PMM2: variants seen among roughly 807,000 people sequenced by gnomAD.
PMM2 encodes mannose-6-phosphate isomerase.
Under a neutral mutation model 33.2 loss-of-function variants are expected in PMM2, and 35 were observed. That is an observed-to-expected ratio of 1.06 (90% CI 0.81 to 1.40). The LOEUF (loss-of-function observed/expected upper bound fraction) is 1.40. Ranked by LOEUF, PMM2 falls within the 40% of genes most tolerant of loss-of-function variation. The pLI is 0.00. For missense variants in PMM2, 386 were observed against 306.0 expected, an observed-to-expected ratio of 1.26 and a Z score of -1.95; for synonymous variants, 153 against 114.7, an observed-to-expected ratio of 1.33 and a Z score of -2.13.
At position 8,797,922 on chromosome 16, in the gene PMM2, G is replaced by A. The variant is rs1473030550; in HGVS notation, c.40G>A (p.Asp14Asn). 4 of 1,610,346 alleles carry A rather than the reference G, an allele frequency of 2.5e-6. No individual in the cohort carries two copies. The highest frequency in any genetic ancestry group is 2.5e-6 in the Non-Finnish European group (3 of 1,178,786). ...CCCAGCGCTCTGCCTCTTCGACGTG[G>A]ATGGGACCCTCACCGCCCCGCGGCA... is the stretch of plus-strand genomic sequence containing the variant. ...PGPALCLFDV[D>N]GTLTAPRQKI... The change falls in exon 1 of 8, where the codon GAT (aspartate) becomes AAT (asparagine). Residue 14 changes from aspartate to asparagine, a missense_variant. Transcript: ENST00000268261.
intron 2 of PMM2, 64 bp downstream of exon 2, chr16:8,801,974 A>C: frequency 8.7e-7 from 1 of 1,154,742 alleles, no homozygotes; most frequent in Non-Finnish European, 1.3e-6. Context: ...TATTGTTGCC[A>C]AGTATCATAG....
At position 8,848,179 on chromosome 16, in the gene PMM2, C is replaced by T. The variant is rs189616159; in HGVS notation, c.*354C>T. 3.2e-5 allele frequency: 9 copies of T among 283,260 alleles called. No homozygotes were observed. The highest frequency in any genetic ancestry group is 6.3e-5 in the Non-Finnish European group (9 of 143,612). 17.5% of individuals were successfully genotyped at this position (283,260 alleles called of 1,614,324 possible). On this transcript the variant is annotated 3_prime_UTR_variant, in exon 8 of 8. Transcript: ENST00000268261. The stretch of plus-strand genomic sequence containing the variant: ...GAAAGAAAAACTGTGCCTGGACCCT[C>T]CCTCTTGGTGGGTCTGTGGAAACAT...
At position 8,815,012 on chromosome 16, in the gene PMM2, G is replaced by A. The variant is rs60828617; in HGVS notation, c.639+1906G>A. Reference sequence around the variant, plus strand: ...TCCCTCCTCCACCGCCCCGTCCCTGGCAACCACCGTTCTTTTCTCTGCTTA... The same window carrying A: ...TCCCTCCTCCACCGCCCCGTCCCTGACAACCACCGTTCTTTTCTCTGCTTA... On this transcript the variant is annotated intron_variant, in intron 7 of 7. Transcript: ENST00000268261. 7.3e-3 allele frequency among the ~76,000 whole-genome samples: 1,105 copies of A among 152,034 alleles called. 13 individuals carry two copies. The highest frequency in any genetic ancestry group is 0.025 in the African/African-American group (1,038 of 41,460).
At chr16:8,843,449 C>G (rs866980497) in intron 7 of PMM2, among the ~76,000 whole-genome samples, 3 of 152,260 alleles carry the variant, frequency 2.0e-5, no homozygotes, top group Middle Eastern at 6.8e-3. Context: ...AGTCCGATTT[C>G]CAGTGGGGTC....
chr16:8,800,665 C>CTTTT (rs35148703), intron 1 of PMM2, among the ~76,000 whole-genome samples: 1,322 of 122,962 alleles, frequency 0.011, no homozygotes, highest in Non-Finnish European at 0.014. Flanking sequence ...TAAGCTTCTC[C>CTTTT]TTTTTTTTTT....
chr16:8,832,671 C>T, intron 7 of PMM2: 1 of 985,446 alleles, frequency 1.0e-6, no homozygotes, highest in Non-Finnish European at 1.2e-6. Context: ...CGTCCTCACC[C>T]CGCACCCGTT....
intron 7 of PMM2, among the ~76,000 whole-genome samples, chr16:8,836,223 C>A (rs943701127): frequency 1.3e-5 from 2 of 151,748 alleles, no homozygotes; most frequent in African/African-American, 4.8e-5. Flanking sequence ...GAGAGTTACC[C>A]GATGCTCGGC....
chr16:8,810,935 C>T, intron 4 of PMM2, 144 bp from the exon 5 acceptor site: 2 of 685,706 alleles, frequency 2.9e-6, no homozygotes, highest in Non-Finnish European at 5.4e-6. Flanking sequence ...TTCATGGCTA[C>T]CATATTACAT....
chr16:8,834,514 G>T lies in PMM2; in HGVS notation c.640-13210G>T, dbSNP rs1299317439. On this transcript the variant is annotated intron_variant, in intron 7 of 7. Coordinates refer to ENST00000268261, the MANE Select transcript of PMM2 (RefSeq NM_000303.3). Reference sequence around the variant, plus strand: ...AGAGTAAGAGGTATTTTAGTTACCTGACTCGGGGCATGTTGAGTGAAGCTA... The same window carrying T: ...AGAGTAAGAGGTATTTTAGTTACCTTACTCGGGGCATGTTGAGTGAAGCTA... Among the ~76,000 whole-genome samples the T allele has an allele frequency of 9.2e-5, 14 of 152,070 alleles. No homozygotes were observed. In the East Asian group the frequency reaches 2.4e-3, roughly 26 times the overall value.
At position 8,797,856 on chromosome 16, in the gene PMM2, T is replaced by C. The variant is rs1567327778; in HGVS notation, c.-27T>C. ...CCGAGTTCCTCGTGCCAACGTGTCT[T>C]GTAAGGTGCGGCTAGAAACTGGGGA... On this transcript the variant is annotated 5_prime_UTR_variant, in exon 1 of 8. Coordinates refer to ENST00000268261, the MANE Select transcript of PMM2 (RefSeq NM_000303.3). 5 of 1,608,714 alleles carry C rather than the reference T, an allele frequency of 3.1e-6. No homozygotes were observed. The South Asian group carries it at 4.4e-5, about 14-fold the overall frequency.
At chr16:8,804,022 G>GTTTTTTTTTTTTTTTTTT (rs770345977) in intron 2 of PMM2, among the ~76,000 whole-genome samples, 1 of 25,992 alleles carries the variant, frequency 3.8e-5, no homozygotes, top group African/African-American at 1.3e-4. Flanking sequence ...TGTTTTTTGG[G>GTTTTTTTTTTTTTTTTTT]TTTTTTTTGT....
intron 7 of PMM2, among the ~76,000 whole-genome samples, chr16:8,815,203 C>T (rs1278424189): frequency 1.3e-5 from 2 of 150,092 alleles, no homozygotes; most frequent in Non-Finnish European, 3.0e-5. Flanking sequence ...GGTATGAATA[C>T]ACTATATTTT....
intron 7 of PMM2, among the ~76,000 whole-genome samples, chr16:8,834,711 A>G (rs1427394031): frequency 1.6e-4 from 24 of 152,056 alleles, no homozygotes; most frequent in African/African-American, 4.8e-4. Context: ...GAGGCGGGCT[A>G]GTGGCTTGTA....
Position 8,849,050 on chromosome 16 carries a change from G to A in PMM2, c.*1225G>A, listed in dbSNP as rs1241834575. 6.6e-6 allele frequency: 1 copy of A among 152,248 alleles called. No individual in the cohort carries two copies. Among genetic ancestry groups the A allele is most frequent in the Non-Finnish European group, 1.5e-5 (1 of 68,102 alleles). 9.4% of individuals were successfully genotyped at this position (152,248 alleles called of 1,614,324 possible). On this transcript the variant is annotated 3_prime_UTR_variant, in exon 8 of 8. Coordinates refer to ENST00000268261, the MANE Select transcript of PMM2 (RefSeq NM_000303.3). ...GTGTGGCCTCCACTGGGCACTTGCCGACCTGAGTCTGGGGCCAGGGGAGCC... is the reference window on the plus strand; with the variant it reads ...GTGTGGCCTCCACTGGGCACTTGCCAACCTGAGTCTGGGGCCAGGGGAGCC...
At chr16:8,841,408 T>G (rs201600064) in intron 7 of PMM2, among the ~76,000 whole-genome samples, 3 of 142,956 alleles carry the variant, frequency 2.1e-5, no homozygotes, top group Non-Finnish European at 3.1e-5. Context: ...ATTTTAGTTA[T>G]CTGACTCGGG....
At chr16:8,832,486 G>C (rs1019261739) in intron 7 of PMM2, 6 of 985,290 alleles carry the variant, frequency 6.1e-6, no homozygotes, top group Admixed American at 6.1e-5. Context: ...GAGGAGACTC[G>C]TGCCGTTAGG....
chr16:8,847,495 T>A (rs902009510), intron 7 of PMM2, among the ~76,000 whole-genome samples: 4 of 151,938 alleles, frequency 2.6e-5, no homozygotes, highest in African/African-American at 9.7e-5. Context: ...CTCATAGGCA[T>A]AATTACGTGT....
intron 7 of PMM2, among the ~76,000 whole-genome samples, chr16:8,835,873 T>TG (rs2060842474): frequency 6.6e-6 from 1 of 151,324 alleles, no homozygotes; most frequent in East Asian, 1.9e-4. Context: ...TGGGTTAAGG[T>TG]TGGGGGATAC....
At chr16:8,835,898 AAGG>A (rs2141041668) in intron 7 of PMM2, among the ~76,000 whole-genome samples, 1 of 152,000 alleles carries the variant, frequency 6.6e-6, no homozygotes, top group South Asian at 2.1e-4. Flanking sequence ...GGAGGACACA[AAGG>A]AGGCTTTGGA....
Sources: allele counts gnomAD v4.1 joint callset (sites outside exome capture counted in the v4.1 genomes callset), GRCh38; gene constraint gnomAD v4.1.1; transcripts MANE v1.5; gene names NCBI Gene and HGNC (gene_info 2026-07-23, HGNC 2026-07-21).